Variants in RIPOR2 observed in about 807,000 individuals in gnomAD.
RIPOR2 encodes rho family-interacting cell polarization regulator 2.
RIPOR2 carries 39 observed loss-of-function variants against 114.5 expected under a neutral mutation model. The observed-to-expected ratio is 0.34, with a 90% confidence interval of 0.26 to 0.44. The LOEUF is 0.44. RIPOR2 is among the 20% of genes least tolerant of loss of function. The probability of loss-of-function intolerance (pLI) is 1.00; values close to 1 mark genes in which losing one functional copy is unlikely to be tolerated. For missense variants in RIPOR2, 1,007 were observed against 1,255.1 expected, an observed-to-expected ratio of 0.80 and a Z score of 2.99; for synonymous variants, 445 against 484.4, an observed-to-expected ratio of 0.92 and a Z score of 1.07.
intron 1 of RIPOR2, among the ~76,000 whole-genome samples, chr6:24,907,309 A>T (rs1769094829): frequency 6.6e-6 from 1 of 152,198 alleles, no homozygotes; most frequent in African/African-American, 2.4e-5. Context: ...TCCACACAGT[A>T]CTCATCGGTG....
intron 1 of RIPOR2, among the ~76,000 whole-genome samples, chr6:24,981,278 T>C (rs1488749216): frequency 6.6e-6 from 1 of 152,224 alleles, no homozygotes; most frequent in East Asian, 1.9e-4. Context: ...TAGTGGATAC[T>C]AAAATGAAAA....
chr6:24,966,821 C>T (rs742952), intron 1 of RIPOR2, among the ~76,000 whole-genome samples: 46,926 of 152,062 alleles, frequency 0.31, 7,876 homozygotes, highest in Non-Finnish European at 0.38. Flanking sequence ...GAATTTGTAT[C>T]TAATTAAATA....
At chr6:24,847,810 T>C (rs1203413266) in intron 12 of RIPOR2, 30 of 1,171,760 alleles carry the variant, frequency 2.6e-5, no homozygotes, top group Non-Finnish European at 3.6e-5. Flanking sequence ...TATGCACTTC[T>C]TTAAAAGGCT....
chr6:24,942,949 T>G (rs759746932), intron 1 of RIPOR2, among the ~76,000 whole-genome samples: 98 of 152,342 alleles, frequency 6.4e-4, no homozygotes, highest in Admixed American at 2.7e-3. Flanking sequence ...TGGCTTTTGT[T>G]GCCATTGCTT....
rs185963431 is a variant in RIPOR2 at position 24,925,873 on chromosome 6, C to T, written c.61+9965G>A. Among the ~76,000 whole-genome samples the T allele has an allele frequency of 1.6e-3, 243 of 152,170 alleles. 1 individual carries two copies. The highest frequency in any genetic ancestry group is 5.5e-3 in the African/African-American group (227 of 41,530). On this transcript the variant is annotated intron_variant, in intron 1 of 21. Transcript: ENST00000643898. ...TGATTCTATTCACTCTTTCTCTGTC[C>T]CATGTACATGTAGTATTATTATGAA... is the stretch of plus-strand genomic sequence containing the variant.
intron 1 of RIPOR2, among the ~76,000 whole-genome samples, chr6:25,019,359 A>G (rs1291332179): frequency 6.6e-6 from 1 of 152,164 alleles, no homozygotes; most frequent in Admixed American, 6.5e-5. Context: ...GGAGCCTTAA[A>G]AAACGTATGC....
In RIPOR2 at chr6:24,927,181, A is replaced by ACCACTACAACTACAG. The variant is rs1561782580; in HGVS notation, c.61+8656_61+8657insCTGTAGTTGTAGTGG. ...CACCACAACTACAATCACCACCACC[A>ACCACTACAACTACAG]TGACCACCACCACAACTACAAGCAC... On this transcript the variant is annotated intron_variant, in intron 1 of 21. Coordinates refer to ENST00000643898, the MANE Select transcript of RIPOR2 (RefSeq NM_001286445.3). Among the ~76,000 whole-genome samples the ACCACTACAACTACAG allele has an allele frequency of 7.0e-4, 47 of 67,328 alleles. 20 individuals are homozygous for ACCACTACAACTACAG. Among genetic ancestry groups the ACCACTACAACTACAG allele is most frequent in the African/African-American group, 2.1e-3 (39 of 18,320 alleles). The allele number at this position is 67,328 out of a possible 152,430, so 44.2% of individuals were successfully genotyped here.
intron 12 of RIPOR2, 143 bp from the exon 13 acceptor site, chr6:24,843,697 CCGTG>C (rs1761968942): frequency 1.1e-5 from 5 of 472,052 alleles, no homozygotes; most frequent in Non-Finnish European, 1.8e-5. Context: ...TTTGTTGATG[CCGTG>C]TGTGTGTGTG....
chr6:24,827,503 T>C (rs899160374), intron 18 of RIPOR2, among the ~76,000 whole-genome samples: 1 of 152,240 alleles, frequency 6.6e-6, no homozygotes, highest in African/African-American at 2.4e-5. Context: ...TCTGTGGATT[T>C]ATAAAGCACA....
intron 14 of RIPOR2, 181 bp from the exon 15 acceptor site, chr6:24,836,052 A>C (rs1432398277): frequency 1.6e-6 from 1 of 606,426 alleles, no homozygotes; most frequent in Non-Finnish European, 2.9e-6. Context: ...CAAATTGCCT[A>C]GTGTTAAAAG....
intron 12 of RIPOR2, among the ~76,000 whole-genome samples, chr6:24,845,055 C>T (rs181907302): frequency 2.0e-5 from 3 of 151,714 alleles, no homozygotes; most frequent in South Asian, 2.1e-4. Context: ...CCAAACTGTC[C>T]GTTGTAGCAT....
In RIPOR2 at chr6:24,805,419, C is replaced by T. The variant is rs1780712535; in HGVS notation, c.*954G>A. 6.6e-6 allele frequency: 1 copy of T among 150,616 alleles called. No homozygotes were observed. The highest frequency in any genetic ancestry group is 2.4e-5 in the African/African-American group (1 of 40,840). The allele number at this position is 150,616 out of a possible 1,614,324, so 9.3% of individuals were successfully genotyped here. Reference sequence around the variant, plus strand: ...TTTGTTTTTTTTTTTGAGACTGGCTCTCATTCCTCTGTCACATGGGCTGGA... The same window carrying T: ...TTTGTTTTTTTTTTTGAGACTGGCTTTCATTCCTCTGTCACATGGGCTGGA... On this transcript the variant is annotated 3_prime_UTR_variant, in exon 22 of 22. Transcript: ENST00000643898.
intron 1 of RIPOR2, among the ~76,000 whole-genome samples, chr6:25,010,178 G>A (rs1421678030): frequency 1.3e-5 from 2 of 152,098 alleles, no homozygotes; most frequent in Non-Finnish European, 2.9e-5. Flanking sequence ...TTGGAGGTGG[G>A]GCCTAATGGA....
intron 1 of RIPOR2, chr6:24,911,129 A>T (rs1210104974): frequency 5.7e-6 from 1 of 174,404 alleles, no homozygotes; most frequent in Non-Finnish European, 8.9e-6. Flanking sequence ...GGGAGCCGTG[A>T]GGAGGGGGAG....
chr6:25,001,181 T>C (rs914602017), intron 1 of RIPOR2, among the ~76,000 whole-genome samples: 3 of 152,232 alleles, frequency 2.0e-5, no homozygotes, highest in Non-Finnish European at 4.4e-5. Flanking sequence ...TGTGTATGTA[T>C]ACCATACATA....
At chr6:24,860,864 C>T (rs918935068) in intron 8 of RIPOR2, 109 bp downstream of exon 8, 9 of 682,350 alleles carry the variant, frequency 1.3e-5, no homozygotes, top group South Asian at 3.8e-5. Flanking sequence ...GAGTGGGTGG[C>T]GCTGCGTCTT....
At chr6:24,920,057 T>C (rs1342833405) in intron 1 of RIPOR2, among the ~76,000 whole-genome samples, 4 of 152,202 alleles carry the variant, frequency 2.6e-5, no homozygotes, top group Non-Finnish European at 5.9e-5. Context: ...ATTGAAGATA[T>C]AACCTGTGGG....
At chr6:24,868,650 G>C (rs1026611055) in intron 6 of RIPOR2, among the ~76,000 whole-genome samples, 1 of 152,166 alleles carries the variant, frequency 6.6e-6, no homozygotes, top group Non-Finnish European at 1.5e-5. Context: ...AGAGCCAAGG[G>C]CTTGAGAGAG....
intron 12 of RIPOR2, among the ~76,000 whole-genome samples, chr6:24,845,206 C>G (rs1762143539): frequency 6.6e-6 from 1 of 152,150 alleles, no homozygotes; most frequent in Non-Finnish European, 1.5e-5. Context: ...AACTGTGGTC[C>G]ACAATGTTGT....
Sources: gnomAD v4.1 joint callset for allele counts (sites outside exome capture counted in the v4.1 genomes callset) on GRCh38, gnomAD v4.1.1 for gene constraint, MANE v1.5 for transcripts, NCBI Gene and HGNC (gene_info 2026-07-23, HGNC 2026-07-21) for gene names.